The following LGSN variants were observed in gnomAD, a reference collection of about 807,000 sequenced individuals.
LGSN encodes lengsin, lens protein with glutamine synthetase domain.
A neutral mutation model predicts 19.5 loss-of-function variants in LGSN; 21 were observed. That is an observed-to-expected ratio of 1.07 (90% CI 0.76 to 1.55). The LOEUF (loss-of-function observed/expected upper bound fraction) is 1.55. LGSN is among the 40% of genes most tolerant of loss of function. The pLI, the probability that LGSN is intolerant of heterozygous loss-of-function variation, is 0.00. For missense variants in LGSN, 673 were observed against 608.5 expected (o/e 1.11, Z -1.12); for synonymous variants, 257 against 215.6 (o/e 1.19, Z -1.68).
At chr6:63,474,887 CA>C in the LGSN span, among the ~76,000 whole-genome samples, 62,929 of 110,394 alleles carry the variant, frequency 0.57, 15,685 homozygotes, top group Middle Eastern at 0.66. Flanking sequence ...GACTCCGTCT[CA>C]AAAAAAAAAA....
intron 1 of LGSN, among the ~76,000 whole-genome samples, chr6:63,310,254 TA>T (rs1344880158): frequency 6.6e-6 from 1 of 152,156 alleles, no homozygotes; most frequent in African/African-American, 2.4e-5. Flanking sequence ...AGCCATCCAT[TA>T]CAAAATGATT....
the LGSN span, among the ~76,000 whole-genome samples, chr6:63,375,646 T>A: frequency 2.8e-4 from 42 of 152,158 alleles, no homozygotes; most frequent in Non-Finnish European, 5.3e-4. Context: ...TTAAGGCAGT[T>A]TGCCTTTGGC....
At chr6:63,477,822 T>C in the LGSN span, among the ~76,000 whole-genome samples, 1 of 150,670 alleles carries the variant, frequency 6.6e-6, no homozygotes, top group East Asian at 2.0e-4. Context: ...ATTACAGGTA[T>C]GAGTCATCAC....
the LGSN span, among the ~76,000 whole-genome samples, chr6:63,546,728 A>G: frequency 5.9e-5 from 9 of 152,104 alleles, no homozygotes; most frequent in East Asian, 1.7e-3. Context: ...ATAGAGTACA[A>G]GCTTTCAGTT....
chr6:63,351,099 G>T, the LGSN span, among the ~76,000 whole-genome samples: 4 of 151,994 alleles, frequency 2.6e-5, no homozygotes, highest in Non-Finnish European at 5.9e-5. Flanking sequence ...TCACAAATGG[G>T]ATTAGTGTCT....
intron 1 of LGSN, among the ~76,000 whole-genome samples, chr6:63,306,695 C>A (rs908239636): frequency 2.4e-4 from 37 of 152,106 alleles, no homozygotes; most frequent in Non-Finnish European, 7.4e-5. Flanking sequence ...AGAGCAAACT[C>A]AAATAGCAGA....
the LGSN span, among the ~76,000 whole-genome samples, chr6:63,466,660 T>C: frequency 2.0e-5 from 3 of 152,108 alleles, no homozygotes; most frequent in African/African-American, 7.2e-5. Flanking sequence ...GAGTGGAAAT[T>C]GGAGATAAGA....
the LGSN span, among the ~76,000 whole-genome samples, chr6:63,540,643 GA>G: frequency 6.6e-6 from 1 of 151,158 alleles, no homozygotes; most frequent in Non-Finnish European, 1.5e-5. Flanking sequence ...AAAAAGAAAA[GA>G]AAAAAGAAAA....
intron 1 of LGSN, among the ~76,000 whole-genome samples, chr6:63,309,194 G>A (rs1421201890): frequency 1.3e-5 from 2 of 152,268 alleles, no homozygotes; most frequent in Middle Eastern, 3.4e-3. Context: ...GCACTTTGGA[G>A]GCCGAGGCAG....
At chr6:63,353,588 C>CAAAAAAAA in the LGSN span, among the ~76,000 whole-genome samples, 1 of 74,166 alleles carries the variant, frequency 1.3e-5, no homozygotes, top group African/African-American at 4.3e-5. Flanking sequence ...CAGTTTGTAG[C>CAAAAAAAA]AAAAAAAAAA....
chr6:63,407,410 C>T, the LGSN span, among the ~76,000 whole-genome samples: 111 of 152,130 alleles, frequency 7.3e-4, no homozygotes, highest in Non-Finnish European at 7.6e-4. Flanking sequence ...AGCATATAAA[C>T]AGAACCAATG....
At chr6:63,325,339 A>G in the LGSN span, among the ~76,000 whole-genome samples, 1 of 152,186 alleles carries the variant, frequency 6.6e-6, no homozygotes, top group Non-Finnish European at 1.5e-5. Context: ...AACAACATTA[A>G]TAAATCCCTA....
At chr6:63,450,835 G>A in the LGSN span, among the ~76,000 whole-genome samples, 1 of 151,780 alleles carries the variant, frequency 6.6e-6, no homozygotes, top group South Asian at 2.1e-4. Flanking sequence ...ATCACACCTG[G>A]CCAATTTTTT....
rs568832605 is a variant in LGSN at position 63,278,290 on chromosome 6, T to C, written c.*1731A>G. On this transcript the variant is annotated 3_prime_UTR_variant, in exon 4 of 4. Coordinates refer to ENST00000370657, the MANE Select transcript of LGSN (RefSeq NM_016571.3). Reference sequence around the variant, plus strand: ...GAGGGGAAAATGAACAGAGGGGAATTTTCTAGCAGACAGCTAGAAAATTGG... The same window carrying C: ...GAGGGGAAAATGAACAGAGGGGAATCTTCTAGCAGACAGCTAGAAAATTGG... The C allele has an allele frequency of 1.3e-5, 2 of 152,090 alleles. No individual in the cohort carries two copies. Among genetic ancestry groups the C allele is most frequent in the African/African-American group, 4.8e-5 (2 of 41,486 alleles). The allele number at this position is 152,090 out of a possible 1,614,324, so 9.4% of individuals were successfully genotyped here.
chr6:63,457,620 G>A, the LGSN span, among the ~76,000 whole-genome samples: 1 of 152,194 alleles, frequency 6.6e-6, no homozygotes, highest in South Asian at 2.1e-4. Flanking sequence ...GCTTACGCCT[G>A]TAATTCCAGA....
chr6:63,473,472 T>TAAAAA, the LGSN span, among the ~76,000 whole-genome samples: 1 of 59,380 alleles, frequency 1.7e-5, no homozygotes, highest in Non-Finnish European at 2.9e-5. Context: ...ACACTCTGTC[T>TAAAAA]AAAAAAAAAA....
In LGSN at chr6:63,280,688, C is replaced by A. The variant is rs1254348298; in HGVS notation, c.863G>T (p.Gly288Val). 6.2e-7 allele frequency: 1 copy of A among 1,614,076 alleles called. No homozygotes were observed. The highest frequency in any genetic ancestry group is 1.1e-5 in the South Asian group (1 of 91,080). Residue 288 changes from glycine (G) to valine (V), a missense_variant, in exon 4 of 4, where the codon GGT (glycine) becomes GTT (valine). Physicochemically the swap from Gly to Val is moderately radical, Grantham distance 109 (BLOSUM62 -3). Coordinates refer to ENST00000370657, the MANE Select transcript of LGSN (RefSeq NM_016571.3). The stretch of plus-strand genomic sequence containing the variant: ...ATATTTCCTTGCCACTTCTTTGACA[C>A]CTGTTCTGAGGGTAAATGCATTATC... ...SADNAFTLRT[G>V]VKEVARKYNY...
the LGSN span, among the ~76,000 whole-genome samples, chr6:63,418,926 G>A: frequency 1.3e-5 from 2 of 150,386 alleles, no homozygotes; most frequent in East Asian, 3.9e-4. Flanking sequence ...TTCACAGCAT[G>A]AGGGGAACTT....
the LGSN span, among the ~76,000 whole-genome samples, chr6:63,337,245 GT>G: frequency 6.6e-6 from 1 of 151,656 alleles, no homozygotes; most frequent in Non-Finnish European, 1.5e-5. Context: ...ATGTAATGTA[GT>G]TTCCTAAAAT....
Sources: allele counts gnomAD v4.1 joint callset (sites outside exome capture counted in the v4.1 genomes callset), GRCh38; gene constraint gnomAD v4.1.1; transcripts MANE v1.5; gene names NCBI Gene and HGNC (gene_info 2026-07-23, HGNC 2026-07-21).